The following OTOGL variants were observed in gnomAD, a reference collection of about 807,000 sequenced individuals.
The protein encoded by OTOGL is otogelin like.
In OTOGL, 285 loss-of-function variants were observed where a neutral mutation model predicts 318.5. The observed-to-expected ratio is 0.89, with a 90% CI of 0.81 to 0.99. The LOEUF (loss-of-function observed/expected upper bound fraction) is 0.99, where lower values mean the gene tolerates loss of function less well. Among genes scored for constraint, OTOGL ranks in the 50% least tolerant of loss-of-function variants. OTOGL has a pLI of 0.00. For synonymous variants in OTOGL, 987 were observed against 936.5 expected (o/e 1.05, Z -0.99); for missense variants, 2,899 against 2,845.6 (o/e 1.02, Z -0.43).
At chr12:80,353,579 G>T in intron 46 of OTOGL, 69 bp downstream of exon 46, 5 of 1,194,462 alleles carry the variant, frequency 4.2e-6, no homozygotes, top group African/African-American at 1.6e-5. Context: ...TTTAGATATT[G>T]CAGAGATGTG....
chr12:80,308,086 G>A (rs1193821705), intron 29 of OTOGL, among the ~76,000 whole-genome samples: 6 of 138,934 alleles, frequency 4.3e-5, no homozygotes, highest in African/African-American at 1.1e-4. Flanking sequence ...GCGGCTGGCC[G>A]GGTGGGGGGC....
intron 43 of OTOGL, among the ~76,000 whole-genome samples, chr12:80,341,160 GGTCT>G (rs1818836858): frequency 6.6e-6 from 1 of 151,988 alleles, no homozygotes; most frequent in African/African-American, 2.4e-5. Flanking sequence ...TTGTAGGCCT[GGTCT>G]CATTACTTTC....
At chr12:80,253,638 C>G (rs1565931658) in intron 14 of OTOGL, 64 bp downstream of exon 14, 2 of 1,324,618 alleles carry the variant, frequency 1.5e-6, no homozygotes, top group Non-Finnish European at 2.2e-6. Context: ...TTTACCATGA[C>G]AGATGTTTAA....
intron 35 of OTOGL, among the ~76,000 whole-genome samples, chr12:80,324,230 A>G (rs1006885464): frequency 1.1e-4 from 16 of 152,214 alleles, no homozygotes; most frequent in Admixed American, 9.2e-4. Context: ...GTGTTTGCCA[A>G]TTAATGTTGG....
At position 80,251,700 on chromosome 12, in the gene OTOGL, G is replaced by T. The variant is rs1452838493; in HGVS notation, c.1060G>T (p.Asp354Tyr). The T allele has an allele frequency of 6.3e-7, 1 of 1,585,264 alleles. No individual in the cohort carries two copies. Among genetic ancestry groups the T allele is most frequent in the Non-Finnish European group, 8.6e-7 (1 of 1,164,254 alleles). ...SCVNDLCKTDDDETYCRAATE... is the reference protein window; with the variant it reads ...SCVNDLCKTDYDETYCRAATE... ...TGTCTTTTCACTTTCTAGAACTGAT[G>T]ATGATGAAACCTATTGCCGAGCAGC... The change falls in exon 12 of 59, where the codon GAT (aspartate) becomes TAT (tyrosine). Residue 354 changes from aspartate (D) to tyrosine (Y), a missense_variant. Coordinates refer to ENST00000547103, the MANE Select transcript of OTOGL (RefSeq NM_001378609.3).
chr12:80,350,826 T>C (rs1434747857), intron 44 of OTOGL, among the ~76,000 whole-genome samples: 1 of 152,238 alleles, frequency 6.6e-6, no homozygotes, highest in African/African-American at 2.4e-5. Context: ...ATGTATAGTT[T>C]GCAAATATTT....
chr12:80,318,579 A>G lies in OTOGL; in HGVS notation c.3668A>G (p.Tyr1223Cys), dbSNP rs575417501. 7.1e-7 allele frequency: 1 copy of G among 1,413,572 alleles called. No individual in the cohort carries two copies. Among genetic ancestry groups the G allele is most frequent in the South Asian group, 1.7e-5 (1 of 58,402 alleles). 87.6% of individuals were successfully genotyped at this position (1,413,572 alleles called of 1,614,324 possible). The change falls in exon 33 of 59, where the codon TAT (tyrosine) becomes TGT (cysteine). Residue 1223 changes from tyrosine (Y) to cysteine (C), a missense_variant. Tyr to Cys is a radical substitution (Grantham distance 194). Coordinates refer to ENST00000547103, the MANE Select transcript of OTOGL (RefSeq NM_001378609.3). ...LGEGPYMLASYGQSGLVLGAN... is the reference protein window; with the variant it reads ...LGEGPYMLASCGQSGLVLGAN... ...GAAGGACCATATATGCTGGCAAGCT[A>G]TGGGCAGAGTGGCCTTGTTCTGGGG...
At chr12:80,106,373 C>T (rs537967400) in intron 1 of OTOGL, among the ~76,000 whole-genome samples, 1 of 152,274 alleles carries the variant, frequency 6.6e-6, no homozygotes, top group East Asian at 1.9e-4. Context: ...GACTGGTAAT[C>T]TGTTTTAGGG....
In OTOGL at chr12:80,335,986, T is replaced by C. The variant is rs376273459; in HGVS notation, c.4446T>C (p.Tyr1482=). The C allele has an allele frequency of 1.5e-4, 230 of 1,584,714 alleles. No individual in the cohort carries two copies. The highest frequency in any genetic ancestry group is 1.9e-4 in the Non-Finnish European group (220 of 1,173,490). Residue 1482 remains tyrosine, a synonymous_variant, in exon 39 of 59, where the codon TAT becomes TAC. Transcript: ENST00000547103. Reference sequence around the variant, plus strand: ...AGCCTCAGAAATTTGATCCTGTTTATGATTGTAGCCAATACATATGCCTTA... The same window carrying C: ...AGCCTCAGAAATTTGATCCTGTTTACGATTGTAGCCAATACATATGCCTTA... ...ECEPQKFDPV[Y]DCSQYICLNM...
At chr12:80,220,586 T>TCTAGAGA (rs1407825091) in intron 6 of OTOGL, among the ~76,000 whole-genome samples, 2 of 124,746 alleles carry the variant, frequency 1.6e-5, no homozygotes, top group African/African-American at 3.1e-5. Flanking sequence ...AAAAAAATAG[T>TCTAGAGA]ACTGAGACTT....
chr12:80,318,651 T>A lies in OTOGL; in HGVS notation c.3740T>A (p.Val1247Asp). ...RSVFCLPRSSVHTSLFFYFMI... is the reference protein window; with the variant it reads ...RSVFCLPRSSDHTSLFFYFMI... ...GTTTTCTGTTTGCCGAGAAGCAGTG[T>A]TCATACCAGTTTATTTTTTTATTTT... The change falls in exon 33 of 59, where the codon GTT becomes GAT. Residue 1247 changes from valine (V) to aspartate (D), a missense_variant. Val to Asp is a radical substitution (Grantham distance 152). This residue lies in a region of OTOGL where 2,607 missense variants were observed against 2,524.9 expected (regional missense o/e 1.03). Transcript: ENST00000547103. 6.9e-7 allele frequency: 1 copy of A among 1,453,124 alleles called. No individual in the cohort carries two copies. The highest frequency in any genetic ancestry group is 9.1e-7 in the Non-Finnish European group (1 of 1,099,622). The allele number at this position is 1,453,124 out of a possible 1,614,324, so 90.0% of individuals were successfully genotyped here.
At chr12:80,292,529 A>C (rs1592666611) in intron 26 of OTOGL, among the ~76,000 whole-genome samples, 1 of 152,298 alleles carries the variant, frequency 6.6e-6, no homozygotes, top group East Asian at 1.9e-4. Flanking sequence ...CTTCAAGAGC[A>C]CCTGTCAGAG....
intron 1 of OTOGL, among the ~76,000 whole-genome samples, chr12:80,158,127 C>G (rs772793857): frequency 3.3e-5 from 5 of 151,926 alleles, no homozygotes; most frequent in Non-Finnish European, 5.9e-5. Context: ...ATCTATAAAG[C>G]TCAGAAAACT....
intron 1 of OTOGL, among the ~76,000 whole-genome samples, chr12:80,101,851 G>T (rs946091815): frequency 3.9e-5 from 6 of 152,136 alleles, no homozygotes; most frequent in Non-Finnish European, 8.8e-5. Flanking sequence ...GAAGTGTTGT[G>T]GTATTGATGT....
At chr12:80,204,194 C>T (rs895939379) in intron 1 of OTOGL, among the ~76,000 whole-genome samples, 4 of 152,120 alleles carry the variant, frequency 2.6e-5, no homozygotes, top group African/African-American at 9.7e-5. Flanking sequence ...GGCATAATTC[C>T]TTCTAAGTTA....
chr12:80,203,533 G>T lies in OTOGL; in HGVS notation c.-19-5880G>T, dbSNP rs567334849. Among the ~76,000 whole-genome samples the T allele has an allele frequency of 1.9e-4, 29 of 152,218 alleles. 1 individual carries two copies. The highest frequency in any genetic ancestry group is 2.1e-4 in the South Asian group (1 of 4,818). ...CCATTATTCCACCAATCATAGTGAGGGTCATAAAGATGTGTTGCCAATGGA... is the reference window on the plus strand; with the variant it reads ...CCATTATTCCACCAATCATAGTGAGTGTCATAAAGATGTGTTGCCAATGGA... On this transcript the variant is annotated intron_variant, in intron 1 of 58. Transcript: ENST00000547103.
In OTOGL at chr12:80,206,686, AT is replaced by A. The variant is rs774957299; in HGVS notation, c.-19-2712del. On this transcript the variant is annotated intron_variant, in intron 1 of 58. Coordinates refer to ENST00000547103, the MANE Select transcript of OTOGL (RefSeq NM_001378609.3). ...TACCATGCCCAGCTAATTGTTTTGT[AT>A]TTTTTTTTTTTTTTGTAGAGGCAGA... Among the ~76,000 whole-genome samples the A allele has an allele frequency of 3.5e-3, 470 of 134,784 alleles. 1 individual carries two copies. Among genetic ancestry groups the A allele is most frequent in the Middle Eastern group, 7.7e-3 (2 of 260 alleles). The allele number at this position is 134,784 out of a possible 152,430, so 88.4% of individuals were successfully genotyped here. A position where few individuals can be genotyped will look rare whatever the true frequency, so the allele number is the denominator to read the frequency against.
intron 11 of OTOGL, among the ~76,000 whole-genome samples, chr12:80,247,030 T>C (rs1166634864): frequency 2.2e-5 from 2 of 92,282 alleles, no homozygotes; most frequent in African/African-American, 1.2e-4. Context: ...CATTTTTTAT[T>C]GTGTCTATTT....
At chr12:80,191,008 G>T (rs956210689) in intron 1 of OTOGL, among the ~76,000 whole-genome samples, 1 of 152,186 alleles carries the variant, frequency 6.6e-6, no homozygotes, top group African/African-American at 2.4e-5. Context: ...TTCTGTTATT[G>T]CAGAGGAGTG....
Sources: allele counts gnomAD v4.1 joint callset (sites outside exome capture counted in the v4.1 genomes callset), GRCh38; gene constraint gnomAD v4.1.1; regional missense constraint gnomAD v4.1.1; transcripts MANE v1.5; gene names NCBI Gene and HGNC (gene_info 2026-07-23, HGNC 2026-07-21).